The following SRSF3 variants were observed in gnomAD, a reference collection of about 807,000 sequenced individuals.
SRSF3 encodes the protein serine and arginine rich splicing factor 3, also known as serine/arginine-rich splicing factor 3.
For synonymous variants in SRSF3, 87 were observed against 73.6 expected (o/e 1.18, Z -0.93); for missense variants, 58 against 217.1 (o/e 0.27, Z 4.61).
intron 3 of SRSF3, chr6:36,600,027 C>T: frequency 1.6e-6 from 2 of 1,242,402 alleles, no homozygotes; most frequent in Non-Finnish European, 1.0e-6. Flanking sequence ...TTAACCAAAT[C>T]GGCAGCAGCC....
rs1029357883 is a variant in SRSF3 at position 36,603,753 on chromosome 6, C to G, written c.*1764C>G. 1.5e-4 allele frequency: 34 copies of G among 231,054 alleles called. No individual in the cohort carries two copies. The East Asian group carries it at 2.0e-3, about 14-fold the overall frequency. The allele number at this position is 231,054 out of a possible 1,614,324, so 14.3% of individuals were successfully genotyped here. A position where few individuals can be genotyped will look rare whatever the true frequency, so the allele number is the denominator to read the frequency against. On this transcript the variant is annotated 3_prime_UTR_variant, in exon 6 of 6. Transcript: ENST00000373715. The stretch of plus-strand genomic sequence containing the variant: ...GCCTACAACCTGTTCCTGTTAGGAA[C>G]AAGCCAAGATAGCTAAGAAGTTACG...
chr6:36,596,659 C>A, intron 1 of SRSF3, 102 bp from the exon 2 acceptor site: 1 of 1,063,244 alleles, frequency 9.4e-7, no homozygotes, highest in South Asian at 1.4e-5. Flanking sequence ...TACGTGCTAC[C>A]TTAAACTCTC....
At position 36,598,915 on chromosome 6, in the gene SRSF3, C is replaced by T; in HGVS notation, c.273C>T (p.Gly91=). ...GTGAAAAAAGAAGTAGAAATCGTGG[C>T]CCACCTCCCTCTTGGGGTCGTCGCC... ...SNGEKRSRNR[G]PPPSWGRRPR... The change falls in exon 3 of 6, where the codon GGC becomes GGT. Residue 91 remains glycine, a synonymous_variant. Coordinates refer to ENST00000373715, the MANE Select transcript of SRSF3 (RefSeq NM_003017.5). 1 of 1,614,030 alleles carries T rather than the reference C, an allele frequency of 6.2e-7. No homozygotes were observed. Among genetic ancestry groups the T allele is most frequent in the Non-Finnish European group, 8.5e-7 (1 of 1,179,996 alleles).
At position 36,603,984 on chromosome 6, in the gene SRSF3, GAC is replaced by G. The variant is rs1778769513; in HGVS notation, c.*1997_*1998del. ...ACCAGGGAGTTATCCTGACTTAGGT[GAC>G]ATACAGTCCCAGTTGGCAGTTACTT... On this transcript the variant is annotated 3_prime_UTR_variant, in exon 6 of 6. Transcript: ENST00000373715. 3 of 230,602 alleles carry G rather than the reference GAC, an allele frequency of 1.3e-5. No homozygotes were observed. The highest frequency in any genetic ancestry group is 6.6e-5 in the African/African-American group (3 of 45,182). 14.3% of individuals were successfully genotyped at this position (230,602 alleles called of 1,614,324 possible).
intron 3 of SRSF3, chr6:36,600,212 T>C: frequency 9.4e-7 from 1 of 1,059,116 alleles, no homozygotes; most frequent in Non-Finnish European, 1.1e-6. Flanking sequence ...TTTCAGCAAA[T>C]TCTTCCTGGC....
chr6:36,604,697 A>T lies in SRSF3; in HGVS notation c.*2708A>T, dbSNP rs1778782712. ...TGGATGGAAAATCCAGGTTATTACTACATTCATTTTAGTACAGTGCTGCCT... is the reference window on the plus strand; with the variant it reads ...TGGATGGAAAATCCAGGTTATTACTTCATTCATTTTAGTACAGTGCTGCCT... On this transcript the variant is annotated 3_prime_UTR_variant, in exon 6 of 6. Coordinates refer to ENST00000373715, the MANE Select transcript of SRSF3 (RefSeq NM_003017.5). The T allele has an allele frequency of 6.4e-6, 1 of 156,024 alleles. No homozygotes were observed. The highest frequency in any genetic ancestry group is 2.1e-4 in the South Asian group (1 of 4,860). The allele number at this position is 156,024 out of a possible 1,614,324, so 9.7% of individuals were successfully genotyped here.
intron 4 of SRSF3, 196 bp from the exon 5 acceptor site, chr6:36,601,512 T>G: frequency 1.0e-5 from 6 of 593,318 alleles, no homozygotes; most frequent in Non-Finnish European, 1.5e-5. Flanking sequence ...CATACCTGGC[T>G]AATTTATTTT....
At chr6:36,600,094 T>TCTTCA in intron 3 of SRSF3, 1 of 1,164,040 alleles carries the variant, frequency 8.6e-7, no homozygotes, top group Middle Eastern at 3.8e-4. Flanking sequence ...TTACCAAATG[T>TCTTCA]CTTCACAACA....
intron 2 of SRSF3, 130 bp downstream of exon 2, chr6:36,597,098 T>TTA: frequency 2.4e-5 from 2 of 83,346 alleles, no homozygotes; most frequent in Non-Finnish European, 4.3e-5. Flanking sequence ...AATTGGGATC[T>TTA]TTTTTTTTTT....
rs1778673688 is a variant in SRSF3 at position 36,598,832 on chromosome 6, T to C, written c.207-17T>C. On this transcript the variant is annotated splice_polypyrimidine_tract_variant and intron_variant, in intron 2 of 5. Coordinates refer to ENST00000373715, the MANE Select transcript of SRSF3 (RefSeq NM_003017.5). ...GAAAGTCAGGCTGTTTTAAGTTTAATATCTTTGCCCCCTCAGAACACTATG... is the reference window on the plus strand; with the variant it reads ...GAAAGTCAGGCTGTTTTAAGTTTAACATCTTTGCCCCCTCAGAACACTATG... 6.2e-7 allele frequency: 1 copy of C among 1,609,474 alleles called. No homozygotes were observed. The highest frequency in any genetic ancestry group is 1.1e-5 in the South Asian group (1 of 90,756).
At chr6:36,596,646 C>A in intron 1 of SRSF3, 115 bp from the exon 2 acceptor site, 1 of 797,678 alleles carries the variant, frequency 1.3e-6, no homozygotes, top group African/African-American at 1.9e-5. Context: ...ATTTTTTTTT[C>A]TTTACGTGCT....
chr6:36,601,677 C>T (rs1203528339), intron 4 of SRSF3, 31 bp from the exon 5 acceptor site: 1 of 1,542,684 alleles, frequency 6.5e-7, no homozygotes. Flanking sequence ...TATCATACCT[C>T]ATTGGTCCTA....
chr6:36,597,160 A>G (rs1778644313), intron 2 of SRSF3, 192 bp downstream of exon 2: 5 of 589,128 alleles, frequency 8.5e-6, no homozygotes, highest in Non-Finnish European at 1.4e-5. Context: ...GCTGGAGTGC[A>G]GTGGTACAGT....
chr6:36,602,154 A>AT lies in SRSF3; in HGVS notation c.*167dup. ...CTTGAAACAGTGACACAAAGGTGTA[A>AT]TTCTCTATGGTTTGAAATGGATCAT... is the stretch of plus-strand genomic sequence containing the variant. On this transcript the variant is annotated 3_prime_UTR_variant, in exon 6 of 6. Coordinates refer to ENST00000373715, the MANE Select transcript of SRSF3 (RefSeq NM_003017.5). 1 of 1,341,608 alleles carries AT rather than the reference A, an allele frequency of 7.5e-7. No individual in the cohort carries two copies. The allele number at this position is 1,341,608 out of a possible 1,614,324, so 83.1% of individuals were successfully genotyped here.
Position 36,602,544 on chromosome 6 carries a change from G to A in SRSF3, c.*555G>A, listed in dbSNP as rs1160805949. 1 of 218,780 alleles carries A rather than the reference G, an allele frequency of 4.6e-6. No individual in the cohort carries two copies. The highest frequency in any genetic ancestry group is 5.8e-5 in the Admixed American group (1 of 17,306). 13.6% of individuals were successfully genotyped at this position (218,780 alleles called of 1,614,324 possible). The stretch of plus-strand genomic sequence containing the variant: ...GTTGGTATAGAATGTTAAGTTTCAA[G>A]AAAGTTTACCTTTGCTTTAGGTCAT... On this transcript the variant is annotated 3_prime_UTR_variant, in exon 6 of 6. Coordinates refer to ENST00000373715, the MANE Select transcript of SRSF3 (RefSeq NM_003017.5).
At chr6:36,601,662 A>G (rs751673073) in intron 4 of SRSF3, 46 bp from the exon 5 acceptor site, 1 of 1,488,638 alleles carries the variant, frequency 6.7e-7, no homozygotes, top group Non-Finnish European at 9.2e-7. Flanking sequence ...ATTTATGTAT[A>G]ATTTTATCAT....
chr6:36,598,625 G>A (rs1412407455), intron 2 of SRSF3: 3 of 454,296 alleles, frequency 6.6e-6, no homozygotes, highest in African/African-American at 4.0e-5. Flanking sequence ...CTTGTGATCC[G>A]CCTGCCTCGG....
At chr6:36,601,936 T>TTTTG (rs1562013873) in intron 5 of SRSF3, 26 bp from the exon 6 acceptor site, 2 of 1,569,610 alleles carry the variant, frequency 1.3e-6, no homozygotes, top group South Asian at 2.4e-5. Context: ...TAATGTTTTG[T>TTTTG]TTTCTTTTTT....
chr6:36,596,281 T>G (rs933209710), intron 1 of SRSF3, among the ~76,000 whole-genome samples: 1 of 152,064 alleles, frequency 6.6e-6, no homozygotes, highest in Non-Finnish European at 1.5e-5. Context: ...AGCTGGTAAG[T>G]TTTGGCTTAT....
Sources: gnomAD v4.1 joint callset for allele counts (sites outside exome capture counted in the v4.1 genomes callset) on GRCh38, gnomAD v4.1.1 for gene constraint, MANE v1.5 for transcripts, NCBI Gene and HGNC (gene_info 2026-07-23, HGNC 2026-07-21) for gene names.